Variants in MICOS10 observed in about 807,000 individuals in gnomAD.
The protein encoded by MICOS10 is mitochondrial contact site and cristae organizing system subunit 10.
MICOS10 carries 5 observed loss-of-function variants against 13.4 expected under a neutral mutation model. The ratio of observed to expected loss-of-function variants is 0.37; its 90% CI spans 0.20 to 0.78. The LOEUF is 0.78. MICOS10 is among the 30% of genes least tolerant of loss of function. The probability of loss-of-function intolerance (pLI) is 0.47; values close to 1 mark genes in which losing one functional copy is unlikely to be tolerated. For synonymous variants in MICOS10, 35 were observed against 33.6 expected, an observed-to-expected ratio of 1.04 and a Z score of -0.15; for missense variants, 101 against 94.6, an observed-to-expected ratio of 1.07 and a Z score of -0.28.
intron 1 of MICOS10, among the ~76,000 whole-genome samples, chr1:19,619,050 G>C (rs2094894566): frequency 6.6e-6 from 1 of 152,200 alleles, no homozygotes; most frequent in South Asian, 2.1e-4. Flanking sequence ...ATTGCCATAA[G>C]TTATTGATAG....
At chr1:19,609,143 C>T (rs72959453) in intron 1 of MICOS10, among the ~76,000 whole-genome samples, 2 of 151,456 alleles carry the variant, frequency 1.3e-5, no homozygotes, top group Non-Finnish European at 2.9e-5. Context: ...ACTACAGGTG[C>T]GTGCTACCGC....
intron 1 of MICOS10, among the ~76,000 whole-genome samples, chr1:19,612,208 A>T (rs1205696943): frequency 6.7e-6 from 1 of 148,190 alleles, no homozygotes; most frequent in Non-Finnish European, 1.5e-5. Flanking sequence ...ATGCCTGGCT[A>T]ATTTTTTTTT....
chr1:19,613,040 G>A (rs2094869943), intron 1 of MICOS10, among the ~76,000 whole-genome samples: 1 of 152,124 alleles, frequency 6.6e-6, no homozygotes, highest in African/African-American at 2.4e-5. Context: ...CCTTGCCTTT[G>A]CCTGTACTGG....
intron 1 of MICOS10, chr1:19,617,359 C>T (rs967703896): frequency 1.1e-6 from 1 of 935,392 alleles, no homozygotes; most frequent in Non-Finnish European, 1.3e-6. Flanking sequence ...AAAATAGCCA[C>T]CTTCTTAGTA....
chr1:19,610,938 T>A (rs1299035494), intron 1 of MICOS10, among the ~76,000 whole-genome samples: 1 of 150,496 alleles, frequency 6.6e-6, no homozygotes, highest in Admixed American at 6.6e-5. Context: ...TGTAGGAATT[T>A]TTTATTTATT....
At chr1:19,600,188 C>A (rs2100235069) in intron 1 of MICOS10, among the ~76,000 whole-genome samples, 1 of 152,246 alleles carries the variant, frequency 6.6e-6, no homozygotes, top group Middle Eastern at 3.4e-3. Flanking sequence ...ACTAGCAGTA[C>A]TGTGATTGTG....
At chr1:19,607,366 G>A (rs2094839279) in intron 1 of MICOS10, among the ~76,000 whole-genome samples, 1 of 152,112 alleles carries the variant, frequency 6.6e-6, no homozygotes, top group African/African-American at 2.4e-5. Flanking sequence ...CCTAAAATGT[G>A]GCCTGTAACA....
Position 19,626,515 on chromosome 1 carries a change from G to C in MICOS10, c.*114G>C. 8.8e-7 allele frequency: 1 copy of C among 1,133,508 alleles called. No individual in the cohort carries two copies. The highest frequency in any genetic ancestry group is 1.3e-6 in the Non-Finnish European group (1 of 765,764). The allele number at this position is 1,133,508 out of a possible 1,614,324, so 70.2% of individuals were successfully genotyped here. On this transcript the variant is annotated 3_prime_UTR_variant, in exon 4 of 4. Coordinates refer to ENST00000322753, the MANE Select transcript of MICOS10 (RefSeq NM_001032363.4). ...CTTCTGTAACAATGTTATCAGTAATGCTTTAAACTCCAGCACCTGGTTATG... is the reference window on the plus strand; with the variant it reads ...CTTCTGTAACAATGTTATCAGTAATCCTTTAAACTCCAGCACCTGGTTATG...
chr1:19,599,530 A>G (rs916384607), intron 1 of MICOS10, among the ~76,000 whole-genome samples: 10 of 152,312 alleles, frequency 6.6e-5, no homozygotes, highest in African/African-American at 2.4e-4. Context: ...TGAGTGATTC[A>G]GACTCTTTTG....
At chr1:19,617,391 C>A in intron 1 of MICOS10, 1 of 797,300 alleles carries the variant, frequency 1.3e-6, no homozygotes, top group Non-Finnish European at 1.5e-6. Context: ...TGCTCTTTGT[C>A]AGTGTTGACT....
At chr1:19,621,724 G>A (rs1001661010) in intron 1 of MICOS10, among the ~76,000 whole-genome samples, 2 of 152,290 alleles carry the variant, frequency 1.3e-5, no homozygotes, top group Admixed American at 1.3e-4. Context: ...GGAGCGTCCT[G>A]TTGGCACTAT....
chr1:19,604,296 C>T (rs533414373), intron 1 of MICOS10, among the ~76,000 whole-genome samples: 1 of 152,224 alleles, frequency 6.6e-6, no homozygotes, highest in South Asian at 2.1e-4. Context: ...CGCTTGAGGC[C>T]AGGAGTTTGA....
At position 19,629,019 on chromosome 1, in the gene MICOS10, C is replaced by T. The variant is rs1222645921; in HGVS notation, c.*2618C>T. 1 of 152,302 alleles carries T rather than the reference C, an allele frequency of 6.6e-6. No individual in the cohort carries two copies. The highest frequency in any genetic ancestry group is 2.4e-5 in the African/African-American group (1 of 41,458). The allele number at this position is 152,302 out of a possible 1,614,324, so 9.4% of individuals were successfully genotyped here. A position where few individuals can be genotyped will look rare whatever the true frequency, so the allele number is the denominator to read the frequency against. The stretch of plus-strand genomic sequence containing the variant: ...GAAGCACTGGCCAGTTGCTTTAGTT[C>T]TAGATAGCTTTGTATTCCCGCCTTG... On this transcript the variant is annotated 3_prime_UTR_variant, in exon 4 of 4. Transcript: ENST00000322753.
At chr1:19,606,566 T>G (rs1227579121) in intron 1 of MICOS10, among the ~76,000 whole-genome samples, 1 of 151,984 alleles carries the variant, frequency 6.6e-6, no homozygotes, top group African/African-American at 2.4e-5. Flanking sequence ...GCCAATATGG[T>G]GAAACCCCAT....
chr1:19,625,412 TG>T, intron 3 of MICOS10: 3 of 1,289,348 alleles, frequency 2.3e-6, no homozygotes, highest in Non-Finnish European at 3.0e-6. Context: ...AACCGTCAGC[TG>T]CCTGCAGCCA....
intron 1 of MICOS10, among the ~76,000 whole-genome samples, chr1:19,603,151 G>A (rs1047979753): frequency 2.6e-5 from 4 of 152,102 alleles, no homozygotes; most frequent in African/African-American, 4.8e-5. Context: ...ACAACATGGC[G>A]AAACCCCATC....
intron 1 of MICOS10, among the ~76,000 whole-genome samples, chr1:19,598,552 G>A (rs2100228335): frequency 6.6e-6 from 1 of 151,904 alleles, no homozygotes; most frequent in South Asian, 2.1e-4. Context: ...CGAGGCGGGA[G>A]GATCGCCTGA....
chr1:19,625,549 T>C, intron 3 of MICOS10: 1 of 1,289,446 alleles, frequency 7.8e-7, no homozygotes, highest in Non-Finnish European at 1.0e-6. Flanking sequence ...AGCCGGCCTT[T>C]TCCACCACTC....
intron 1 of MICOS10, among the ~76,000 whole-genome samples, chr1:19,609,436 C>G (rs2094850114): frequency 6.6e-6 from 1 of 152,186 alleles, no homozygotes; most frequent in Admixed American, 6.5e-5. Context: ...CACTGTTTGG[C>G]CATTTATTAT....
Sources: allele counts gnomAD v4.1 joint callset (sites outside exome capture counted in the v4.1 genomes callset), GRCh38; gene constraint gnomAD v4.1.1; transcripts MANE v1.5; gene names NCBI Gene and HGNC (gene_info 2026-07-23, HGNC 2026-07-21).